FOXP2: variants seen among roughly 807,000 people sequenced by gnomAD.
FOXP2 encodes the protein forkhead box protein P2.
FOXP2 carries 12 observed loss-of-function variants against 115.8 expected under a neutral mutation model. The observed-to-expected ratio is 0.10, with a 90% CI of 0.07 to 0.17. FOXP2 has a LOEUF of 0.17. Among genes scored for constraint, FOXP2 ranks in the 10% least tolerant of loss-of-function variants. The probability of loss-of-function intolerance (pLI) is 1.00; values close to 1 mark genes in which losing one functional copy is unlikely to be tolerated. For synonymous variants in FOXP2, 328 were observed against 297.7 expected (o/e 1.10, Z -1.05); for missense variants, 629 against 843.5 (o/e 0.75, Z 3.15).
chr7:114,217,001 A>T (rs1311179676), intron 1 of FOXP2, among the ~76,000 whole-genome samples: 1 of 152,184 alleles, frequency 6.6e-6, no homozygotes, highest in African/African-American at 2.4e-5. Context: ...TCAATTGGCA[A>T]CTACATTCAT....
At chr7:114,388,795 T>G (rs1792519046) in intron 2 of FOXP2, among the ~76,000 whole-genome samples, 1 of 152,194 alleles carries the variant, frequency 6.6e-6, no homozygotes, top group Non-Finnish European at 1.5e-5. Flanking sequence ...ATAGTTAAAA[T>G]GCATATATTA....
chr7:114,344,458 T>C (rs1412563369), intron 2 of FOXP2, among the ~76,000 whole-genome samples: 3 of 151,852 alleles, frequency 2.0e-5, no homozygotes, highest in African/African-American at 7.2e-5. Context: ...GATACACGTT[T>C]ACTCTTCATC....
At chr7:114,280,104 A>AT (rs1316725056) in intron 1 of FOXP2, among the ~76,000 whole-genome samples, 1 of 151,330 alleles carries the variant, frequency 6.6e-6, no homozygotes, top group Non-Finnish European at 1.5e-5. Context: ...AAATAAATAA[A>AT]TAAATAAATA....
At chr7:114,465,245 A>G (rs1027614595) in intron 2 of FOXP2, among the ~76,000 whole-genome samples, 4 of 152,302 alleles carry the variant, frequency 2.6e-5, no homozygotes, top group Admixed American at 2.6e-4. Flanking sequence ...GATTACAGGC[A>G]TGAGCCACAA....
intron 3 of FOXP2, among the ~76,000 whole-genome samples, chr7:114,574,353 G>T (rs143277118): frequency 6.6e-6 from 1 of 151,720 alleles, no homozygotes; most frequent in East Asian, 1.9e-4. Context: ...GAGCTTCATT[G>T]TTAGAGAATA....
intron 2 of FOXP2, among the ~76,000 whole-genome samples, chr7:114,473,282 C>T (rs1796123817): frequency 6.6e-6 from 1 of 151,902 alleles, no homozygotes; most frequent in Non-Finnish European, 1.5e-5. Context: ...TAAATATAGC[C>T]CCCATTACAA....
At chr7:114,444,770 A>C (rs1019357388) in intron 2 of FOXP2, among the ~76,000 whole-genome samples, 1 of 152,148 alleles carries the variant, frequency 6.6e-6, no homozygotes, top group Non-Finnish European at 1.5e-5. Context: ...ATAGATATTT[A>C]ATTAATTTGT....
intron 3 of FOXP2, among the ~76,000 whole-genome samples, chr7:114,625,710 G>A (rs1804530754): frequency 6.6e-6 from 1 of 151,776 alleles, no homozygotes; most frequent in Admixed American, 6.6e-5. Context: ...CAAATTGCAA[G>A]TGGACGGGTC....
intron 16 of FOXP2, among the ~76,000 whole-genome samples, chr7:114,673,754 C>T (rs541491658): frequency 6.6e-6 from 1 of 152,216 alleles, no homozygotes; most frequent in Admixed American, 6.5e-5. Context: ...GGCTGGAGTG[C>T]ATTGGCACGA....
intron 1 of FOXP2, among the ~76,000 whole-genome samples, chr7:114,145,547 G>A (rs1356609480): frequency 6.8e-6 from 1 of 147,132 alleles, no homozygotes; most frequent in Non-Finnish European, 1.5e-5. Context: ...GGAGTGCAGG[G>A]TGTGATCTCG....
At chr7:114,578,825 C>G (rs991853511) in intron 3 of FOXP2, among the ~76,000 whole-genome samples, 2 of 151,932 alleles carry the variant, frequency 1.3e-5, no homozygotes, top group African/African-American at 2.4e-5. Flanking sequence ...ATTTAAGGTT[C>G]CTCAGTGATT....
intron 2 of FOXP2, among the ~76,000 whole-genome samples, chr7:114,521,023 T>C (rs532847675): frequency 6.6e-6 from 1 of 152,256 alleles, no homozygotes; most frequent in East Asian, 1.9e-4. Flanking sequence ...AAGAGGATTG[T>C]ATTAAAGAAA....
At chr7:114,174,729 T>C (rs1175560504) in intron 1 of FOXP2, among the ~76,000 whole-genome samples, 1 of 152,106 alleles carries the variant, frequency 6.6e-6, no homozygotes, top group African/African-American at 2.4e-5. Flanking sequence ...TAAAAATTGA[T>C]GTTTGTTTCA....
rs78193760 is a variant in FOXP2 at position 114,552,879 on chromosome 7, T to G, written c.258+18173T>G. 3.0e-3 allele frequency among the ~76,000 whole-genome samples: 460 copies of G among 152,310 alleles called. 3 individuals carry two copies. In the East Asian group the frequency reaches 0.036, roughly 12 times the overall value. On this transcript the variant is annotated intron_variant, in intron 3 of 16. Coordinates refer to ENST00000350908, the MANE Select transcript of FOXP2 (RefSeq NM_014491.4). ...TTGCTTTTCTCACAATCACTATAAC[T>G]TAGCTTTATCGCCTAAATTATATAG...
At chr7:114,483,769 T>C (rs1239537929) in intron 2 of FOXP2, among the ~76,000 whole-genome samples, 1 of 151,764 alleles carries the variant, frequency 6.6e-6, no homozygotes, top group African/African-American at 2.4e-5. Context: ...CACATAATAG[T>C]TGTTCAACAA....
chr7:114,144,022 G>A (rs2129147541), intron 1 of FOXP2, among the ~76,000 whole-genome samples: 1 of 152,168 alleles, frequency 6.6e-6, no homozygotes, highest in Admixed American at 6.5e-5. Context: ...ACAGTGCAAA[G>A]ATCAAATGCA....
At chr7:114,229,232 T>A (rs1235573480) in intron 1 of FOXP2, among the ~76,000 whole-genome samples, 1 of 150,906 alleles carries the variant, frequency 6.6e-6, no homozygotes, top group Non-Finnish European at 1.5e-5. Flanking sequence ...TAAATATATA[T>A]ATTTAATATC....
intron 2 of FOXP2, among the ~76,000 whole-genome samples, chr7:114,494,417 T>G (rs1411023521): frequency 6.6e-6 from 1 of 152,104 alleles, no homozygotes; most frequent in Non-Finnish European, 1.5e-5. Context: ...AATCCTAGGC[T>G]CAAGCAATCT....
At chr7:114,277,518 G>C (rs1421475525) in intron 1 of FOXP2, among the ~76,000 whole-genome samples, 1 of 151,776 alleles carries the variant, frequency 6.6e-6, no homozygotes. Context: ...AGTGGCTAAA[G>C]ACCATTAAAA....
Sources: gnomAD v4.1 joint callset for allele counts (sites outside exome capture counted in the v4.1 genomes callset) on GRCh38, gnomAD v4.1.1 for gene constraint, MANE v1.5 for transcripts, NCBI Gene and HGNC (gene_info 2026-07-23, HGNC 2026-07-21) for gene names.